The following LHFPL4 variants were observed in gnomAD, a reference collection of about 807,000 sequenced individuals.
LHFPL4 encodes the protein LHFPL tetraspan subfamily member 4 protein.
In LHFPL4, 6 loss-of-function variants were observed where a neutral mutation model predicts 20.0. The observed-to-expected ratio is 0.30, with a 90% confidence interval of 0.16 to 0.59. The LOEUF (loss-of-function observed/expected upper bound fraction) is 0.59. Among genes scored for constraint, LHFPL4 ranks in the 20% least tolerant of loss-of-function variants. The probability of loss-of-function intolerance (pLI) is 0.88; values close to 1 mark genes in which losing one functional copy is unlikely to be tolerated. For synonymous variants in LHFPL4, 129 were observed against 143.8 expected, an observed-to-expected ratio of 0.90 and a Z score of 0.74; for missense variants, 215 against 331.2, an observed-to-expected ratio of 0.65 and a Z score of 2.72.
At chr3:9,512,407 C>T (rs371263491) in intron 2 of LHFPL4, among the ~76,000 whole-genome samples, 2 of 152,178 alleles carry the variant, frequency 1.3e-5, no homozygotes, top group East Asian at 1.9e-4. Flanking sequence ...CATGGTGACT[C>T]TTGGCAGAGT....
chr3:9,553,157 G>A (rs2046568243), intron 1 of LHFPL4, among the ~76,000 whole-genome samples: 1 of 151,728 alleles, frequency 6.6e-6, no homozygotes, highest in African/African-American at 2.4e-5. Context: ...TTTGGGGACT[G>A]GTATTAAGGG....
intron 2 of LHFPL4, among the ~76,000 whole-genome samples, chr3:9,524,459 A>T (rs2046361060): frequency 1.3e-5 from 2 of 151,506 alleles, no homozygotes; most frequent in African/African-American, 4.9e-5. Flanking sequence ...TTTTCCCTTT[A>T]CTTTTTGTTT....
Position 9,518,907 on chromosome 3 carries a change from C to A in LHFPL4, c.407-12704G>T, listed in dbSNP as rs1486073955. Among the ~76,000 whole-genome samples, 6 of 127,674 alleles carry A rather than the reference C, an allele frequency of 4.7e-5. No homozygotes were observed. The Admixed American group carries it at 4.7e-4, about 10-fold the overall frequency. The allele number at this position is 127,674 out of a possible 152,430, so 83.8% of individuals were successfully genotyped here. On this transcript the variant is annotated intron_variant, in intron 2 of 3. Transcript: ENST00000287585. ...TAGGTGGGATTACAGGCGTGCACCA[C>A]CACATTGGCTAATTTTTGTTTATTT...
chr3:9,513,534 T>C (rs2046276106), intron 2 of LHFPL4, among the ~76,000 whole-genome samples: 2 of 152,252 alleles, frequency 1.3e-5, no homozygotes, highest in East Asian at 3.9e-4. Flanking sequence ...GGTCTTGCTA[T>C]GTTGCCCAGG....
At chr3:9,548,496 C>T (rs950985677) in intron 2 of LHFPL4, among the ~76,000 whole-genome samples, 2 of 152,144 alleles carry the variant, frequency 1.3e-5, no homozygotes, top group Non-Finnish European at 2.9e-5. Flanking sequence ...TCTTCCTCTC[C>T]ATTCAGGATG....
intron 2 of LHFPL4, among the ~76,000 whole-genome samples, chr3:9,518,398 T>TA (rs2046317168): frequency 6.6e-6 from 1 of 152,202 alleles, no homozygotes; most frequent in Non-Finnish European, 1.5e-5. Context: ...CTAGTTATAG[T>TA]ATTAGTGTAA....
rs768973632 is a variant in LHFPL4, at chr3:9,506,139, G to A, written c.471C>T (p.Asp157=). 6.2e-7 allele frequency: 1 copy of A among 1,614,152 alleles called. No homozygotes were observed. The highest frequency in any genetic ancestry group is 8.5e-7 in the Non-Finnish European group (1 of 1,180,034). ...PDGWDAETIR[D]MCGAKTGKYS... is the part of the protein sequence containing the mutation. The stretch of plus-strand genomic sequence containing the variant: ...ACTTCCCCGTCTTGGCCCCACACAT[G>A]TCCCGGATGGTCTCGGCATCCCAGC... Residue 157 remains aspartate, a synonymous_variant, in exon 3 of 4, where the codon GAC becomes GAT. Transcript: ENST00000287585. The surrounding 1 kb of genome is among the most constrained non-coding windows in gnomAD (Gnocchi z 4.5).
intron 2 of LHFPL4, among the ~76,000 whole-genome samples, chr3:9,532,975 A>G (rs2633772): frequency 0.19 from 28,988 of 152,128 alleles, 3,453 homozygotes; most frequent in East Asian, 0.41. Context: ...CCTGGAGGAC[A>G]GTGCGGGGCT....
At chr3:9,551,675 C>T (rs1041964844) in intron 2 of LHFPL4, among the ~76,000 whole-genome samples, 2 of 152,178 alleles carry the variant, frequency 1.3e-5, no homozygotes, top group African/African-American at 2.4e-5. Flanking sequence ...TCACCCAATG[C>T]TTTCAACCAC....
intron 2 of LHFPL4, among the ~76,000 whole-genome samples, chr3:9,544,596 G>C (rs1236319872): frequency 6.6e-6 from 1 of 152,146 alleles, no homozygotes; most frequent in African/African-American, 2.4e-5. Context: ...CTGCACTCCA[G>C]ACCAGGCCAT....
intron 2 of LHFPL4, among the ~76,000 whole-genome samples, chr3:9,516,875 G>A (rs1171066402): frequency 6.6e-6 from 1 of 150,690 alleles, no homozygotes; most frequent in Non-Finnish European, 1.5e-5. Flanking sequence ...CACCACCTGG[G>A]TTCAAGTGAT....
At chr3:9,543,224 G>C (rs374659238) in intron 2 of LHFPL4, among the ~76,000 whole-genome samples, 2 of 151,760 alleles carry the variant, frequency 1.3e-5, no homozygotes, top group African/African-American at 2.4e-5. Flanking sequence ...GTCCTCGGCC[G>C]GGCATGGTGG....
intron 3 of LHFPL4, among the ~76,000 whole-genome samples, chr3:9,503,819 A>G (rs2046195821): frequency 1.3e-5 from 2 of 152,234 alleles, no homozygotes; most frequent in Admixed American, 6.5e-5. Context: ...TGAAGCCAGG[A>G]GTTCAAGACC....
rs575041582 is a variant in LHFPL4, at chr3:9,541,708, G to A, written c.406+10566C>T. Among the ~76,000 whole-genome samples, 17 of 151,952 alleles carry A rather than the reference G, an allele frequency of 1.1e-4. No individual in the cohort carries two copies. The South Asian group carries it at 3.5e-3, about 32-fold the overall frequency. ...AATCACTTGAACCTGGAGGGCAGAG[G>A]TTGCAATGAGTCGAGATCGCACCAC... is the stretch of plus-strand genomic sequence containing the variant. On this transcript the variant is annotated intron_variant, in intron 2 of 3. Coordinates refer to ENST00000287585, the MANE Select transcript of LHFPL4 (RefSeq NM_198560.3).
intron 2 of LHFPL4, among the ~76,000 whole-genome samples, chr3:9,537,307 C>A (rs1399909517): frequency 2.0e-5 from 3 of 152,084 alleles, no homozygotes; most frequent in Non-Finnish European, 4.4e-5. Context: ...TTCTCTAAGT[C>A]ATTCAGTCTC....
chr3:9,512,194 G>A (rs2046265913), intron 2 of LHFPL4, among the ~76,000 whole-genome samples: 1 of 152,214 alleles, frequency 6.6e-6, no homozygotes, highest in Non-Finnish European at 1.5e-5. Context: ...GCCTCCCACA[G>A]TGCTGGGATT....
At chr3:9,518,420 T>C (rs753497674) in intron 2 of LHFPL4, among the ~76,000 whole-genome samples, 4 of 152,198 alleles carry the variant, frequency 2.6e-5, no homozygotes, top group Non-Finnish European at 5.9e-5. Flanking sequence ...GCTGGCCTCA[T>C]AAAAATGAGT....
intron 3 of LHFPL4, among the ~76,000 whole-genome samples, chr3:9,502,703 CAA>C (rs34313508): frequency 8.7e-5 from 11 of 125,894 alleles, no homozygotes; most frequent in Non-Finnish European, 6.8e-5. Context: ...AACTCCATCT[CAA>C]AAAAAAAAAA....
chr3:9,525,876 T>C (rs1466520653), intron 2 of LHFPL4, among the ~76,000 whole-genome samples: 1 of 152,178 alleles, frequency 6.6e-6, no homozygotes, highest in Non-Finnish European at 1.5e-5. Context: ...CACAGAAAGG[T>C]TAAATGATGA....
Sources: gnomAD v4.1 joint callset for allele counts (sites outside exome capture counted in the v4.1 genomes callset) on GRCh38, gnomAD v4.1.1 for gene constraint, Gnocchi (gnomAD v3.1) non-coding constraint, MANE v1.5 for transcripts, NCBI Gene and HGNC (gene_info 2026-07-23, HGNC 2026-07-21) for gene names.